DIS3L2: variants seen among roughly 807,000 people sequenced by gnomAD.
The protein encoded by DIS3L2 is DIS3-like exonuclease 2.
Under a neutral mutation model 97.5 loss-of-function variants are expected in DIS3L2, and 34 were observed. The ratio of observed to expected loss-of-function variants is 0.35; its 90% confidence interval spans 0.27 to 0.46. DIS3L2 has a LOEUF of 0.46. Ranked by LOEUF, DIS3L2 falls within the 20% of genes least tolerant of loss-of-function variation. The probability of loss-of-function intolerance (pLI) is 1.00; values close to 1 mark genes in which losing one functional copy is unlikely to be tolerated. For synonymous variants in DIS3L2, 435 were observed against 445.2 expected, an observed-to-expected ratio of 0.98 and a Z score of 0.29; for missense variants, 1,038 against 1,146.0, an observed-to-expected ratio of 0.91 and a Z score of 1.36.
rs1553605996 is a variant in DIS3L2 at position 232,086,613 on chromosome 2, G to GTGTA, written c.367-873_367-872insGTAT. Among the ~76,000 whole-genome samples the GTGTA allele has an allele frequency of 4.0e-4, 41 of 103,766 alleles. 4 individuals are homozygous for GTGTA. The highest frequency in any genetic ancestry group is 2.6e-3 in the South Asian group (9 of 3,500). The allele number at this position is 103,766 out of a possible 152,430, so 68.1% of individuals were successfully genotyped here. ...TATATATATATATATGTGTGTGTGT[G>GTGTA]TATATATATATATATACACATATAT... On this transcript the variant is annotated intron_variant, in intron 5 of 20. Transcript: ENST00000325385.
At chr2:232,298,188 T>C (rs1457447718) in intron 13 of DIS3L2, among the ~76,000 whole-genome samples, 4 of 152,224 alleles carry the variant, frequency 2.6e-5, no homozygotes, top group South Asian at 2.1e-4. Context: ...TTTAACCTTT[T>C]GCCACTGCTG....
Position 232,268,476 on chromosome 2 carries a change from A to G in DIS3L2, c.1659+5036A>G, listed in dbSNP as rs776412878. 1.3e-5 allele frequency among the ~76,000 whole-genome samples: 2 copies of G among 152,186 alleles called. No homozygotes were observed. Among genetic ancestry groups the G allele is most frequent in the Non-Finnish European group, 2.9e-5 (2 of 68,034 alleles). On this transcript the variant is annotated intron_variant, in intron 13 of 20. Coordinates refer to ENST00000325385, the MANE Select transcript of DIS3L2 (RefSeq NM_152383.5). This position sits in a 1 kb window ranked among gnomAD's most constrained non-coding sequence, Gnocchi z 4.1. The stretch of plus-strand genomic sequence containing the variant: ...TAAAGGACCAGATAGTAAATGGTTT[A>G]GGCTTTGTGGGCTGTGCAGTCTCTG...
intron 14 of DIS3L2, among the ~76,000 whole-genome samples, chr2:232,323,501 G>A (rs1296676651): frequency 2.6e-5 from 4 of 152,128 alleles, no homozygotes; most frequent in Admixed American, 1.3e-4. Context: ...GCAGGGGCCC[G>A]CCCACTCACC....
chr2:231,995,621 C>T (rs1340476603), intron 1 of DIS3L2, among the ~76,000 whole-genome samples: 1 of 152,192 alleles, frequency 6.6e-6, no homozygotes, highest in South Asian at 2.1e-4. Context: ...ATACTAACAC[C>T]AGAAAGTGCT....
intron 13 of DIS3L2, among the ~76,000 whole-genome samples, chr2:232,275,880 A>C (rs1397284310): frequency 6.6e-6 from 1 of 152,214 alleles, no homozygotes; most frequent in African/African-American, 2.4e-5. Flanking sequence ...GCAGGTGTGC[A>C]CGTGGCTGCT....
At chr2:232,125,441 A>C (rs942149843) in intron 6 of DIS3L2, among the ~76,000 whole-genome samples, 2 of 152,178 alleles carry the variant, frequency 1.3e-5, no homozygotes, top group African/African-American at 4.8e-5. Context: ...AGTTCTTGCT[A>C]GTGTGGAGAA....
intron 6 of DIS3L2, among the ~76,000 whole-genome samples, chr2:232,109,709 A>G (rs1697467164): frequency 6.6e-6 from 1 of 152,140 alleles, no homozygotes. Flanking sequence ...ATATACACAA[A>G]TCAACTCAAG....
At chr2:232,184,797 G>T (rs1179464341) in intron 9 of DIS3L2, among the ~76,000 whole-genome samples, 2 of 152,214 alleles carry the variant, frequency 1.3e-5, no homozygotes, top group Non-Finnish European at 2.9e-5. Context: ...AATAGGAAAA[G>T]AGGAAAATAA....
At chr2:232,173,114 A>G (rs1691039781) in intron 9 of DIS3L2, among the ~76,000 whole-genome samples, 1 of 152,150 alleles carries the variant, frequency 6.6e-6, no homozygotes, top group Non-Finnish European at 1.5e-5. Flanking sequence ...TGTTCTTAGA[A>G]GCACAAAGTT....
intron 10 of DIS3L2, 35 bp from the exon 11 acceptor site, chr2:232,238,498 A>G: frequency 6.3e-7 from 1 of 1,586,646 alleles, no homozygotes; most frequent in Non-Finnish European, 8.6e-7. Flanking sequence ...GTGGCCTTCC[A>G]CGCCAGCCTG....
intron 9 of DIS3L2, among the ~76,000 whole-genome samples, chr2:232,180,056 A>G (rs1691220645): frequency 1.1e-5 from 1 of 88,108 alleles, no homozygotes; most frequent in South Asian, 5.3e-4. Context: ...TTCTGCCTTC[A>G]TTTCGTTATG....
At chr2:232,089,490 C>T (rs990931157) in intron 6 of DIS3L2, among the ~76,000 whole-genome samples, 1 of 152,094 alleles carries the variant, frequency 6.6e-6, no homozygotes, top group African/African-American at 2.4e-5. Flanking sequence ...TGTGTATTAT[C>T]GTAATCACAT....
At chr2:232,306,459 AT>A (rs933702186) in intron 14 of DIS3L2, among the ~76,000 whole-genome samples, 1 of 150,818 alleles carries the variant, frequency 6.6e-6, no homozygotes, top group Non-Finnish European at 1.5e-5. Flanking sequence ...CTCTGACTTA[AT>A]TTTTTTTTCA....
chr2:232,162,302 A>G (rs1690675580), intron 8 of DIS3L2, among the ~76,000 whole-genome samples: 1 of 152,198 alleles, frequency 6.6e-6, no homozygotes, highest in Admixed American at 6.5e-5. Context: ...TGCCGAGATC[A>G]TAGGCTGGTG....
At chr2:232,170,346 A>G (rs1690947321) in intron 9 of DIS3L2, among the ~76,000 whole-genome samples, 1 of 152,066 alleles carries the variant, frequency 6.6e-6, no homozygotes, top group African/African-American at 2.4e-5. Context: ...TTGGAGGGGG[A>G]AAATACCACA....
chr2:232,240,720 T>A (rs1693057275), intron 11 of DIS3L2, among the ~76,000 whole-genome samples: 1 of 152,206 alleles, frequency 6.6e-6, no homozygotes, highest in African/African-American at 2.4e-5. Context: ...TGAGCAGGTA[T>A]AGGCAGCTTA....
Position 232,087,528 on chromosome 2 carries a change from G to T in DIS3L2, c.408G>T (p.Ala136=), listed in dbSNP as rs149344471. ...PESNDKETEA[A]YESDIPEELC... is the part of the protein sequence containing the mutation. ...GCAATGACAAAGAAACAGAAGCTGC[G>T]TATGAATCAGATATCCCCGAGGAGC... Residue 136 remains alanine, a synonymous_variant, in exon 6 of 21, where the codon GCG becomes GCT. Transcript: ENST00000325385. The T allele has an allele frequency of 6.2e-7, 1 of 1,613,638 alleles. No homozygotes were observed. Among genetic ancestry groups the T allele is most frequent in the Non-Finnish European group, 8.5e-7 (1 of 1,179,920 alleles).
rs953929781 is a variant in DIS3L2, at chr2:232,293,921, T to C, written c.1660-6119T>C. The stretch of plus-strand genomic sequence containing the variant: ...AGTAGGAAGATACATTGTGTGTCAG[T>C]GTCCTTAGGAGAAGCATGAGCACAA... On this transcript the variant is annotated intron_variant, in intron 13 of 20. Transcript: ENST00000325385. This position sits in a 1 kb window ranked among gnomAD's most constrained non-coding sequence, Gnocchi z 4.6. 6.6e-6 allele frequency among the ~76,000 whole-genome samples: 1 copy of C among 152,168 alleles called. No homozygotes were observed. Among genetic ancestry groups the C allele is most frequent in the African/African-American group, 2.4e-5 (1 of 41,428 alleles).
At chr2:232,042,319 T>G (rs1695130827) in intron 5 of DIS3L2, among the ~76,000 whole-genome samples, 1 of 151,948 alleles carries the variant, frequency 6.6e-6, no homozygotes, top group Non-Finnish European at 1.5e-5. Context: ...TTCCAAGTTC[T>G]TCTTTAAATG....
Sources: gnomAD v4.1 joint callset for allele counts (sites outside exome capture counted in the v4.1 genomes callset) on GRCh38, gnomAD v4.1.1 for gene constraint, Gnocchi (gnomAD v3.1) non-coding constraint, MANE v1.5 for transcripts, NCBI Gene and HGNC (gene_info 2026-07-23, HGNC 2026-07-21) for gene names.